The following CDH4 variants were observed in gnomAD, a reference collection of about 807,000 sequenced individuals.
The protein encoded by CDH4 is cadherin-4.
CDH4 carries 33 observed loss-of-function variants against 86.0 expected under a neutral mutation model. The ratio of observed to expected loss-of-function variants is 0.38; its 90% confidence interval spans 0.29 to 0.51. The LOEUF (loss-of-function observed/expected upper bound fraction) is 0.51, where lower values mean the gene tolerates loss of function less well. CDH4 is among the 20% of genes least tolerant of loss of function. The pLI is 0.86. For synonymous variants in CDH4, 555 were observed against 549.4 expected (o/e 1.01, Z -0.14); for missense variants, 1,114 against 1,307.4 (o/e 0.85, Z 2.28).
intron 6 of CDH4, among the ~76,000 whole-genome samples, chr20:61,853,135 G>A (rs6061869): frequency 6.6e-5 from 10 of 152,162 alleles, no homozygotes; most frequent in African/African-American, 2.4e-4. Context: ...AGGGCCAACG[G>A]GCTGGGAAGA....
At position 61,752,736 on chromosome 20, in the gene CDH4, CACAA is replaced by C. The variant is rs548590670; in HGVS notation, c.396+8951_396+8954del. Among the ~76,000 whole-genome samples, 7 of 152,316 alleles carry C rather than the reference CACAA, an allele frequency of 4.6e-5. No homozygotes were observed. The South Asian group carries it at 1.5e-3, about 32-fold the overall frequency. On this transcript the variant is annotated intron_variant, in intron 3 of 15. Transcript: ENST00000614565. The stretch of plus-strand genomic sequence containing the variant: ...TAGAAGCAACAAAGCCAGCGAATCT[CACAA>C]ACAGACCAAAGAAGGAGAGCAGGCA...
chr20:61,776,785 GA>G (rs1313382197), intron 4 of CDH4, among the ~76,000 whole-genome samples: 5 of 152,210 alleles, frequency 3.3e-5, no homozygotes, highest in Non-Finnish European at 5.9e-5. Context: ...CGGGACTGGC[GA>G]GGCTTACAAG....
chr20:61,895,084 G>C, intron 8 of CDH4, 37 bp downstream of exon 8: 2 of 1,607,104 alleles, frequency 1.2e-6, no homozygotes, highest in Non-Finnish European at 1.7e-6. Context: ...CGCATGGCCC[G>C]TGCAGGGCAG....
Position 61,852,827 on chromosome 20 carries a change from A to G in CDH4, c.806A>G (p.Asp269Gly), listed in dbSNP as rs1198302334. The change falls in exon 6 of 16, where the codon GAC (aspartate) becomes GGC (glycine). Residue 269 changes from aspartate to glycine, a missense_variant. Coordinates refer to ENST00000614565, the MANE Select transcript of CDH4 (RefSeq NM_001794.5). ...ATCGACCTGTACATCTACGTCATCG[A>G]CATGAATGACAACCGCCCTGAGTTC... ...NPIDLYIYVI[D>G]MNDNRPEFIN... is the part of the protein sequence containing the mutation. 6.2e-7 allele frequency: 1 copy of G among 1,614,124 alleles called. No homozygotes were observed. Among genetic ancestry groups the G allele is most frequent in the South Asian group, 1.1e-5 (1 of 91,076 alleles).
intron 2 of CDH4, among the ~76,000 whole-genome samples, chr20:61,536,385 A>T (rs1681587592): frequency 6.6e-6 from 1 of 152,024 alleles, no homozygotes; most frequent in African/African-American, 2.4e-5. Flanking sequence ...CCCAAACAGA[A>T]CAACCCATGG....
In CDH4 at chr20:61,423,443, T is replaced by C. The variant is rs901199801; in HGVS notation, c.169+168506T>C. Among the ~76,000 whole-genome samples, 5 of 152,308 alleles carry C rather than the reference T, an allele frequency of 3.3e-5. No individual in the cohort carries two copies. In the East Asian group the frequency reaches 9.7e-4, roughly 29 times the overall value. The stretch of plus-strand genomic sequence containing the variant: ...AGACATGTCTTTCATCCTAGCTGAA[T>C]TGACACATTGCAAAACTATCCCAGA... On this transcript the variant is annotated intron_variant, in intron 2 of 15. Transcript: ENST00000614565.
At chr20:61,370,785 G>C (rs1162304587) in intron 2 of CDH4, 2 of 152,190 alleles carry the variant, frequency 1.3e-5, no homozygotes, top group Admixed American at 1.3e-4. Context: ...GTACACAAAT[G>C]ACTATATAAA....
chr20:61,701,888 A>C (rs1477727438), intron 2 of CDH4, among the ~76,000 whole-genome samples: 1 of 152,314 alleles, frequency 6.6e-6, no homozygotes, highest in South Asian at 2.1e-4. Context: ...GAGTGGGACA[A>C]GTTTGACCTT....
intron 2 of CDH4, among the ~76,000 whole-genome samples, chr20:61,296,335 G>T (rs2084354490): frequency 2.6e-5 from 4 of 151,710 alleles, no homozygotes; most frequent in Admixed American, 1.3e-4. Context: ...GTGTGTGTGT[G>T]TGTGTGAGAG....
At chr20:61,816,020 A>C (rs1980697967) in intron 4 of CDH4, among the ~76,000 whole-genome samples, 1 of 152,178 alleles carries the variant, frequency 6.6e-6, no homozygotes, top group African/African-American at 2.4e-5. Flanking sequence ...AAACCCAGGG[A>C]AGCTGCATTT....
chr20:61,756,935 TG>T (rs775369607), intron 3 of CDH4, among the ~76,000 whole-genome samples: 25 of 152,098 alleles, frequency 1.6e-4, no homozygotes, highest in Non-Finnish European at 2.1e-4. Flanking sequence ...CAGAAAATGG[TG>T]GTTTGTTTTA....
intron 2 of CDH4, among the ~76,000 whole-genome samples, chr20:61,473,328 C>T (rs1242486525): frequency 6.6e-6 from 1 of 152,124 alleles, no homozygotes; most frequent in African/African-American, 2.4e-5. Context: ...TGTTTAACAA[C>T]AAGCAGGCAA....
At chr20:61,901,678 C>T (rs1430610101) in intron 8 of CDH4, among the ~76,000 whole-genome samples, 1 of 152,262 alleles carries the variant, frequency 6.6e-6, no homozygotes. Context: ...CAGCACCCAA[C>T]GCCGGGTGGC....
chr20:61,846,533 T>C (rs769198699), intron 5 of CDH4, among the ~76,000 whole-genome samples: 1 of 150,774 alleles, frequency 6.6e-6, no homozygotes. Context: ...GAGATAGAGA[T>C]ACAGAGACAG....
intron 2 of CDH4, among the ~76,000 whole-genome samples, chr20:61,495,544 C>A (rs781767938): frequency 6.6e-5 from 10 of 152,196 alleles, no homozygotes; most frequent in Non-Finnish European, 1.5e-4. Context: ...ACTTAAGAAA[C>A]TGAGACTGCA....
intron 3 of CDH4, among the ~76,000 whole-genome samples, chr20:61,768,335 C>T (rs560986104): frequency 3.3e-5 from 5 of 152,258 alleles, no homozygotes; most frequent in South Asian, 2.1e-4. Context: ...GCATATTTGA[C>T]GTGTGCATTC....
chr20:61,785,559 C>A (rs113554651), intron 4 of CDH4, among the ~76,000 whole-genome samples: 1,522 of 152,174 alleles, frequency 0.01, 24 homozygotes, highest in African/African-American at 0.034. Flanking sequence ...AGAGCCCTCA[C>A]CCAGCTGGAT....
At position 61,621,675 on chromosome 20, in the gene CDH4, C is replaced by T. The variant is rs1409544726; in HGVS notation, c.170-121888C>T. On this transcript the variant is annotated intron_variant, in intron 2 of 15. Coordinates refer to ENST00000614565, the MANE Select transcript of CDH4 (RefSeq NM_001794.5). ...CAGAGCAAAGCACCCAACAGCTGGG[C>T]ATTGCACTAGCAAGGCTAGTTTATA... Among the ~76,000 whole-genome samples, 7 of 152,298 alleles carry T rather than the reference C, an allele frequency of 4.6e-5. No individual in the cohort carries two copies. The East Asian group carries it at 9.6e-4, about 21-fold the overall frequency.
At chr20:61,548,107 G>T (rs1257582098) in intron 2 of CDH4, among the ~76,000 whole-genome samples, 1 of 152,180 alleles carries the variant, frequency 6.6e-6, no homozygotes, top group Non-Finnish European at 1.5e-5. Flanking sequence ...TCCCATGCTG[G>T]AGAGTGGGGC....
Sources: gnomAD v4.1 joint callset for allele counts (sites outside exome capture counted in the v4.1 genomes callset) on GRCh38, gnomAD v4.1.1 for gene constraint, MANE v1.5 for transcripts, NCBI Gene and HGNC (gene_info 2026-07-23, HGNC 2026-07-21) for gene names.